The following SOX5 variants were observed in gnomAD, a reference collection of about 807,000 sequenced individuals.
The protein encoded by SOX5 is SRY-box transcription factor 5, also known as transcription factor SOX-5.
Under a neutral mutation model 92.0 loss-of-function variants are expected in SOX5, and 9 were observed. The ratio of observed to expected loss-of-function variants is 0.10; its 90% CI spans 0.06 to 0.17. The LOEUF (loss-of-function observed/expected upper bound fraction) is 0.17. Ranked by LOEUF, SOX5 falls within the 10% of genes least tolerant of loss-of-function variation. The pLI is 1.00. For synonymous variants in SOX5, 344 were observed against 336.3 expected, an observed-to-expected ratio of 1.02 and a Z score of -0.25; for missense variants, 642 against 944.5, an observed-to-expected ratio of 0.68 and a Z score of 4.20.
At chr12:24,454,386 T>C (rs1426190411) in intron 1 of SOX5, among the ~76,000 whole-genome samples, 2 of 152,158 alleles carry the variant, frequency 1.3e-5, no homozygotes, top group Non-Finnish European at 2.9e-5. Flanking sequence ...TTCCATGAAA[T>C]TGCATGCTGT....
At chr12:23,637,589 T>A (rs16926488) in intron 8 of SOX5, among the ~76,000 whole-genome samples, 1 of 152,196 alleles carries the variant, frequency 6.6e-6, no homozygotes, top group Non-Finnish European at 1.5e-5. Context: ...AGAGAGAAGA[T>A]TGGGTTAACA....
intron 3 of SOX5, among the ~76,000 whole-genome samples, chr12:23,811,579 T>C (rs1482801306): frequency 1.3e-5 from 2 of 152,140 alleles, no homozygotes; most frequent in Non-Finnish European, 2.9e-5. Flanking sequence ...AAGACAATAA[T>C]GCTTTCCTTT....
chr12:24,272,954 T>A (rs1186977196), intron 3 of SOX5, among the ~76,000 whole-genome samples: 3 of 152,190 alleles, frequency 2.0e-5, no homozygotes, highest in Non-Finnish European at 4.4e-5. Context: ...AGACTTTGGC[T>A]GAGTGCAGTG....
chr12:23,557,211 TTATGAA>T (rs1173459919), intron 11 of SOX5, among the ~76,000 whole-genome samples: 1 of 152,212 alleles, frequency 6.6e-6, no homozygotes, highest in African/African-American at 2.4e-5. Context: ...GTAAGGCTTC[TTATGAA>T]TATGACTCAG....
chr12:24,285,457 T>G (rs1314719750), intron 2 of SOX5, among the ~76,000 whole-genome samples: 1 of 152,220 alleles, frequency 6.6e-6, no homozygotes, highest in African/African-American at 2.4e-5. Flanking sequence ...TACCTTTTGT[T>G]GATTGCTTAT....
chr12:24,519,865 T>C (rs929516334), intron 1 of SOX5, among the ~76,000 whole-genome samples: 2 of 151,944 alleles, frequency 1.3e-5, no homozygotes, highest in Admixed American at 6.6e-5. Flanking sequence ...CACAGAAAAC[T>C]AGACTGAGGC....
intron 4 of SOX5, among the ~76,000 whole-genome samples, chr12:24,072,495 A>T (rs965397940): frequency 5.3e-5 from 8 of 152,248 alleles, no homozygotes; most frequent in African/African-American, 9.6e-5. Flanking sequence ...TAGAAGTCAT[A>T]ATAAGCTCAC....
intron 4 of SOX5, among the ~76,000 whole-genome samples, chr12:23,742,702 T>G (rs190506545): frequency 4.2e-4 from 64 of 152,338 alleles, no homozygotes; most frequent in African/African-American, 1.4e-3. Flanking sequence ...TTTAGAAACC[T>G]AGCCCAAGGC....
chr12:24,330,286 T>C (rs1185682843), intron 2 of SOX5, among the ~76,000 whole-genome samples: 1 of 152,148 alleles, frequency 6.6e-6, no homozygotes, highest in Non-Finnish European at 1.5e-5. Context: ...TAGGTTGGCT[T>C]AAGAAACAAA....
In SOX5 at chr12:23,531,388, C is replaced by T. The variant is rs950397845; in HGVS notation, c.*2831G>A. 2 of 152,130 alleles carry T rather than the reference C, an allele frequency of 1.3e-5. No homozygotes were observed. The highest frequency in any genetic ancestry group is 2.9e-5 in the Non-Finnish European group (2 of 68,024). 9.4% of individuals were successfully genotyped at this position (152,130 alleles called of 1,614,324 possible). The stretch of plus-strand genomic sequence containing the variant: ...AAAAGACCAAACACCAAAGTGTTGT[C>T]AATTCATCGGTAAGTGTGTTAGAAT... On this transcript the variant is annotated 3_prime_UTR_variant, in exon 15 of 15. Coordinates refer to ENST00000451604, the MANE Select transcript of SOX5 (RefSeq NM_006940.6).
Position 24,051,533 on chromosome 12 carries a change from T to A in SOX5, c.-1-155509A>T, listed in dbSNP as rs11047234. On this transcript the variant is annotated intron_variant, in intron 4 of 4. Coordinates refer to the SOX5 transcript ENST00000446891. ...GGAATTCATTCCAAGAACGAAGAGCTAGTTCAATATAAAGATATCTGTTTA... is the reference window on the plus strand; with the variant it reads ...GGAATTCATTCCAAGAACGAAGAGCAAGTTCAATATAAAGATATCTGTTTA... 5.8e-3 allele frequency among the ~76,000 whole-genome samples: 881 copies of A among 152,276 alleles called. 11 individuals carry two copies. The highest frequency in any genetic ancestry group is 0.02 in the African/African-American group (841 of 41,560).
intron 1 of SOX5, among the ~76,000 whole-genome samples, chr12:24,464,323 AT>A (rs11332671): frequency 0.31 from 42,773 of 138,388 alleles, 5,556 homozygotes; most frequent in Middle Eastern, 0.35. Context: ...GTGAGAGTTA[AT>A]TTTTTTTTTT....
chr12:24,432,844 G>T (rs1566149854), intron 1 of SOX5, among the ~76,000 whole-genome samples: 1 of 151,836 alleles, frequency 6.6e-6, no homozygotes, highest in Admixed American at 6.6e-5. Flanking sequence ...TTTGTTAAAG[G>T]TGTAAAATAC....
chr12:23,838,843 T>TGGGCG (rs55896803), intron 3 of SOX5, among the ~76,000 whole-genome samples: 1,633 of 37,988 alleles, frequency 0.043, 201 homozygotes, highest in Non-Finnish European at 0.066. Flanking sequence ...TCTTTTTTTT[T>TGGGCG]GGGGGGGGGG....
At chr12:23,621,182 C>A (rs2077131901) in intron 8 of SOX5, among the ~76,000 whole-genome samples, 1 of 151,874 alleles carries the variant, frequency 6.6e-6, no homozygotes, top group Admixed American at 6.6e-5. Flanking sequence ...ATGGATGAAC[C>A]TTGAAAATAT....
chr12:23,859,876 A>G (rs535574467), intron 2 of SOX5, among the ~76,000 whole-genome samples: 1 of 152,326 alleles, frequency 6.6e-6, no homozygotes, highest in African/African-American at 2.4e-5. Context: ...ATAGTTCACA[A>G]TAGAAAAGAC....
chr12:24,241,788 T>C (rs1014351810), intron 3 of SOX5, among the ~76,000 whole-genome samples: 1 of 152,190 alleles, frequency 6.6e-6, no homozygotes, highest in Non-Finnish European at 1.5e-5. Flanking sequence ...ATATTCTGGA[T>C]TTCCCTTCCA....
intron 4 of SOX5, among the ~76,000 whole-genome samples, chr12:24,154,562 T>C (rs1951977396): frequency 6.6e-6 from 1 of 152,096 alleles, no homozygotes; most frequent in Non-Finnish European, 1.5e-5. Context: ...AGCCAGGGAA[T>C]TGTTAACCTA....
chr12:23,657,069 T>C (rs908225103), intron 7 of SOX5, among the ~76,000 whole-genome samples: 2 of 152,012 alleles, frequency 1.3e-5, no homozygotes, highest in Non-Finnish European at 2.9e-5. Flanking sequence ...ATTAGGGAAA[T>C]AGTACTGTCT....
Sources: gnomAD v4.1 joint callset for allele counts (sites outside exome capture counted in the v4.1 genomes callset) on GRCh38, gnomAD v4.1.1 for gene constraint, MANE v1.5 for transcripts, NCBI Gene and HGNC (gene_info 2026-07-23, HGNC 2026-07-21) for gene names.